Variants in EPM2A observed in about 807,000 individuals in gnomAD.
EPM2A encodes laforin.
Under a neutral mutation model 26.5 loss-of-function variants are expected in EPM2A, and 21 were observed. That is an observed-to-expected ratio of 0.79 (90% CI 0.56 to 1.14). The LOEUF (loss-of-function observed/expected upper bound fraction) is 1.14. Ranked by LOEUF, EPM2A falls within the 50% of genes most tolerant of loss-of-function variation. The pLI, the probability that EPM2A is intolerant of heterozygous loss-of-function variation, is 0.00. For missense variants in EPM2A, 458 were observed against 440.8 expected, an observed-to-expected ratio of 1.04 and a Z score of -0.35; for synonymous variants, 217 against 177.6, an observed-to-expected ratio of 1.22 and a Z score of -1.76.
chr6:145,686,497 G>GA (rs1780926757), intron 1 of EPM2A, among the ~76,000 whole-genome samples: 1 of 152,016 alleles, frequency 6.6e-6, no homozygotes, highest in Non-Finnish European at 1.5e-5. Flanking sequence ...GAAAATCAGA[G>GA]TTTTTTACTC....
At chr6:145,388,295 G>T (rs1175796774) in intron 4 of EPM2A, among the ~76,000 whole-genome samples, 1 of 152,156 alleles carries the variant, frequency 6.6e-6, no homozygotes, top group South Asian at 2.1e-4. Context: ...TTTTAGAACG[G>T]CCCTCTCCTG....
rs59216148 is a variant in EPM2A, at chr6:145,554,983, C to T, written c.341-52408G>A. On this transcript the variant is annotated intron_variant, in intron 2 of 3. Transcript: ENST00000450221. ...TTCAACTGATTTGATGAAGACCACT[C>T]ACCTATGGAAGGTAATCTGCTTTAC... Among the ~76,000 whole-genome samples the T allele has an allele frequency of 8.7e-3, 1,320 of 152,190 alleles. 13 individuals are homozygous for T. Among genetic ancestry groups the T allele is most frequent in the African/African-American group, 0.03 (1,265 of 41,544 alleles).
chr6:145,718,800 C>T lies in EPM2A; in HGVS notation c.301+16398G>A, dbSNP rs181013416. Among the ~76,000 whole-genome samples, 455 of 152,154 alleles carry T rather than the reference C, an allele frequency of 3.0e-3. 3 individuals are homozygous for T. Among genetic ancestry groups the T allele is most frequent in the African/African-American group, 0.01 (435 of 41,540 alleles). On this transcript the variant is annotated intron_variant, in intron 1 of 3. Transcript: ENST00000367519. ...CAAAAAACGAACAACCCCATCAAAA[C>T]AAGTGGGCGAAGGACATGAACAGAC... is the stretch of plus-strand genomic sequence containing the variant.
intron 2 of EPM2A, among the ~76,000 whole-genome samples, chr6:145,504,255 A>T (rs1779937470): frequency 8.6e-6 from 1 of 115,794 alleles, no homozygotes; most frequent in Admixed American, 8.7e-5. Flanking sequence ...GGATCTAATT[A>T]AACTAAAGAG....
At chr6:145,460,170 G>A (rs924970620) in intron 4 of EPM2A, among the ~76,000 whole-genome samples, 6 of 152,152 alleles carry the variant, frequency 3.9e-5, no homozygotes, top group African/African-American at 1.4e-4. Flanking sequence ...AGCTATAAAG[G>A]AGTTGATATG....
chr6:145,696,143 T>C (rs769257909), intron 1 of EPM2A, among the ~76,000 whole-genome samples: 3 of 151,898 alleles, frequency 2.0e-5, no homozygotes, highest in Non-Finnish European at 4.4e-5. Context: ...AATTTACAAA[T>C]ACGTGGAAAT....
chr6:145,671,165 C>T (rs556302959), intron 2 of EPM2A: 8 of 1,004,138 alleles, frequency 8.0e-6, no homozygotes, highest in South Asian at 4.1e-5. Flanking sequence ...AGATTCTTGT[C>T]GAAGTTTGAT....
chr6:145,630,456 T>C (rs543912113), intron 3 of EPM2A: 4 of 142,838 alleles, frequency 2.8e-5, no homozygotes, highest in African/African-American at 7.7e-5. Context: ...CTACTAAAAT[T>C]AAAAAAAAAA....
chr6:145,501,060 T>C (rs1779882775), downstream of EPM2A, among the ~76,000 whole-genome samples: 1 of 152,170 alleles, frequency 6.6e-6, no homozygotes, highest in Admixed American at 6.5e-5. Context: ...CCAACTAACA[T>C]TTTCTGAACA....
chr6:145,473,400 C>T (rs1164413382), intron 4 of EPM2A, among the ~76,000 whole-genome samples: 1 of 151,610 alleles, frequency 6.6e-6, no homozygotes, highest in Non-Finnish European at 1.5e-5. Flanking sequence ...ATGAAGCATG[C>T]CTACATGATC....
chr6:145,471,001 C>A (rs777818710), intron 4 of EPM2A, among the ~76,000 whole-genome samples: 1 of 152,162 alleles, frequency 6.6e-6, no homozygotes, highest in Non-Finnish European at 1.5e-5. Flanking sequence ...CTGCTCCACA[C>A]CGCTCTCTTC....
At chr6:145,673,632 C>A (rs1410742679) in intron 2 of EPM2A, among the ~76,000 whole-genome samples, 1 of 152,232 alleles carries the variant, frequency 6.6e-6, no homozygotes, top group African/African-American at 2.4e-5. Context: ...TCTCCCGTGC[C>A]TAGCTCGGCG....
chr6:145,622,630 G>C (rs368005850), downstream of EPM2A, among the ~76,000 whole-genome samples: 6 of 152,222 alleles, frequency 3.9e-5, no homozygotes, highest in African/African-American at 1.4e-4. Flanking sequence ...GATGAAGGCA[G>C]AGAACAAGGT....
rs550435920 is a variant in EPM2A, at chr6:145,664,309, T to C, written c.476+21813A>G. ...CACACATAGGCTCAAAATAAAAGGA[T>C]GGAGGAAGATCTACCAAGCAAATGG... On this transcript the variant is annotated intron_variant, in intron 2 of 3. Coordinates refer to ENST00000367519, the MANE Select transcript of EPM2A (RefSeq NM_005670.4). Among the ~76,000 whole-genome samples the C allele has an allele frequency of 4.8e-3, 477 of 98,916 alleles. 26 individuals carry two copies. Among genetic ancestry groups the C allele is most frequent in the African/African-American group, 0.019 (455 of 23,356 alleles). The allele number at this position is 98,916 out of a possible 152,430, so 64.9% of individuals were successfully genotyped here. A position where few individuals can be genotyped will look rare whatever the true frequency, so the allele number is the denominator to read the frequency against.
At chr6:145,665,532 A>C (rs1365624554) in intron 2 of EPM2A, among the ~76,000 whole-genome samples, 2 of 136,254 alleles carry the variant, frequency 1.5e-5, no homozygotes, top group Admixed American at 7.8e-5. Flanking sequence ...ATAGTTTACC[A>C]ACCAAAAAGA....
chr6:145,679,463 G>A (rs114124158), intron 2 of EPM2A, among the ~76,000 whole-genome samples: 7,714 of 151,254 alleles, frequency 0.051, 656 homozygotes, highest in African/African-American at 0.17. Context: ...AAAAAGAAAT[G>A]CAAAATATAA....
At chr6:145,607,880 A>G (rs940679820) in intron 2 of EPM2A, among the ~76,000 whole-genome samples, 20 of 152,298 alleles carry the variant, frequency 1.3e-4, no homozygotes, top group Middle Eastern at 3.4e-3. Flanking sequence ...GTGAGCAGGT[A>G]AAAGGAAAAT....
At chr6:145,653,081 C>A (rs1778002543) in intron 2 of EPM2A, among the ~76,000 whole-genome samples, 1 of 152,148 alleles carries the variant, frequency 6.6e-6, no homozygotes, top group African/African-American at 2.4e-5. Flanking sequence ...AATCATCAAG[C>A]CTTTGGCTGA....
intron 1 of EPM2A, among the ~76,000 whole-genome samples, chr6:145,690,755 C>T (rs1356868886): frequency 6.6e-6 from 1 of 151,288 alleles, no homozygotes; most frequent in Non-Finnish European, 1.5e-5. Flanking sequence ...ACATTTCAAA[C>T]AAATGAAGAA....
Sources: allele counts gnomAD v4.1 joint callset (sites outside exome capture counted in the v4.1 genomes callset), GRCh38; gene constraint gnomAD v4.1.1; transcripts MANE v1.5; gene names NCBI Gene and HGNC (gene_info 2026-07-23, HGNC 2026-07-21).